The following PIEZO1 variants were observed in gnomAD, a reference collection of about 807,000 sequenced individuals.
PIEZO1 encodes piezo type mechanosensitive ion channel component 1 (Er blood group).
Under a neutral mutation model 297.2 loss-of-function variants are expected in PIEZO1, and 296 were observed. The ratio of observed to expected loss-of-function variants is 1.00; its 90% CI spans 0.91 to 1.10. The LOEUF (loss-of-function observed/expected upper bound fraction) is 1.10. Among genes scored for constraint, PIEZO1 ranks in the 50% least tolerant of loss-of-function variants. The pLI is 0.00. For missense variants in PIEZO1, 5,018 were observed against 3,455.5 expected, an observed-to-expected ratio of 1.45 and a Z score of -11.34; for synonymous variants, 2,427 against 1,507.5, an observed-to-expected ratio of 1.61 and a Z score of -14.13.
intron 1 of PIEZO1, among the ~76,000 whole-genome samples, 172 bp from the exon 2 acceptor site, chr16:88,749,651 C>T (rs1024008865): frequency 1.3e-5 from 2 of 152,262 alleles, no homozygotes; most frequent in African/African-American, 4.8e-5. Flanking sequence ...ATATCTCACA[C>T]ACGCCACGAC....
intron 1 of PIEZO1, among the ~76,000 whole-genome samples, chr16:88,781,420 T>C (rs913064280): frequency 4.3e-4 from 66 of 152,334 alleles, no homozygotes; most frequent in Admixed American, 4.2e-3. Flanking sequence ...CCCTGGCCCC[T>C]TCCCCAAACA....
chr16:88,756,382 G>T (rs1414324661), intron 1 of PIEZO1, among the ~76,000 whole-genome samples: 3 of 152,160 alleles, frequency 2.0e-5, no homozygotes. Flanking sequence ...CCACTGATGG[G>T]GCGGGGTGGG....
chr16:88,749,584 T>A lies in PIEZO1; in HGVS notation c.65-105A>T, dbSNP rs1295451678. The A allele has an allele frequency of 1.3e-5, 11 of 870,284 alleles. No individual in the cohort carries two copies. The African/African-American group carries it at 1.7e-4, about 14-fold the overall frequency. The allele number at this position is 870,284 out of a possible 1,614,324, so 53.9% of individuals were successfully genotyped here. ...AGCTCGTCACACCGCCGAGGCCGTG[T>A]GCCCTGTGAGTGCTGCCCTGAGCCA... On this transcript the variant is annotated intron_variant, in intron 1 of 50. Coordinates refer to ENST00000301015, the MANE Select transcript of PIEZO1 (RefSeq NM_001142864.4).
chr16:88,785,000 G>A lies in PIEZO1; in HGVS notation c.-36C>T. On this transcript the variant is annotated 5_prime_UTR_variant, in exon 1 of 51. Coordinates refer to ENST00000301015, the MANE Select transcript of PIEZO1 (RefSeq NM_001142864.4). ...CCCAGGGCCCGGCCCAGACCGAGCG[G>A]ACGCCGCGGCGCTATGGGGCGGTGC... 1 of 1,209,978 alleles carries A rather than the reference G, an allele frequency of 8.3e-7. No individual in the cohort carries two copies. Among genetic ancestry groups the A allele is most frequent in the Non-Finnish European group, 1.0e-6 (1 of 968,840 alleles). The allele number at this position is 1,209,978 out of a possible 1,614,324, so 75.0% of individuals were successfully genotyped here.
At position 88,720,672 on chromosome 16, in the gene PIEZO1, G is replaced by T; in HGVS notation, c.5745C>A (p.Arg1915=). The T allele has an allele frequency of 6.5e-7, 1 of 1,547,760 alleles. No homozygotes were observed. Residue 1915 remains arginine, a synonymous_variant, in exon 40 of 51, where the codon CGC becomes CGA. Coordinates refer to ENST00000301015, the MANE Select transcript of PIEZO1 (RefSeq NM_001142864.4). ...APTGREKRPS[R]SGGRVRAAGR... ...CGGCCGCCCTTACTCTTCCTCCAGA[G>T]CGGCTTGGCCTCTTCTCTCTCCCCG... is the stretch of plus-strand genomic sequence containing the variant.
At position 88,719,452 on chromosome 16, in the gene PIEZO1, C is replaced by T. The variant is rs1912270598; in HGVS notation, c.6471+122G>A. On this transcript the variant is annotated intron_variant, in intron 44 of 50. Transcript: ENST00000301015. ...AGTGGGTGGGCTCGCCTCATGTCCCCATGGGCTCCGAGCCCTGGGAGGGCC... is the reference window on the plus strand; with the variant it reads ...AGTGGGTGGGCTCGCCTCATGTCCCTATGGGCTCCGAGCCCTGGGAGGGCC... 4.4e-6 allele frequency: 4 copies of T among 910,280 alleles called. 1 individual carries two copies. Among genetic ancestry groups the T allele is most frequent in the Non-Finnish European group, 6.7e-6 (4 of 597,602 alleles). The allele number at this position is 910,280 out of a possible 1,614,324, so 56.4% of individuals were successfully genotyped here.
chr16:88,726,433 G>C lies in PIEZO1; in HGVS notation c.3819C>G (p.Asp1273Glu), dbSNP rs557968556. Residue 1273 changes from aspartate (D) to glutamate (E), a missense_variant, in exon 27 of 51, where the codon GAC (aspartate) becomes GAG (glutamate). Coordinates refer to ENST00000301015, the MANE Select transcript of PIEZO1 (RefSeq NM_001142864.4). ...YYDPKEMMDR[D>E]QDCLLPVEEA... The stretch of plus-strand genomic sequence containing the variant: ...CCTCCACAGGCAGCAGGCAGTCCTG[G>C]TCTCTGTCCATCATCTCCTTGGCTG... 2.6e-6 allele frequency: 4 copies of C among 1,550,424 alleles called. No homozygotes were observed. The Admixed American group carries it at 7.8e-5, about 30-fold the overall frequency.
At chr16:88,752,042 G>C (rs533990715) in intron 1 of PIEZO1, among the ~76,000 whole-genome samples, 1 of 152,358 alleles carries the variant, frequency 6.6e-6, no homozygotes, top group Admixed American at 6.5e-5. Flanking sequence ...CAGACCCTGA[G>C]GCTGTGGGGA....
chr16:88,736,422 A>G lies in PIEZO1; in HGVS notation c.1297-14T>C, dbSNP rs11860864. 7,862 of 1,181,848 alleles carry G rather than the reference A, an allele frequency of 6.7e-3. 934 individuals carry two copies. Among genetic ancestry groups the G allele is most frequent in the African/African-American group, 0.019 (945 of 48,926 alleles). The allele number at this position is 1,181,848 out of a possible 1,614,324, so 73.2% of individuals were successfully genotyped here. A position where few individuals can be genotyped will look rare whatever the true frequency, so the allele number is the denominator to read the frequency against. ...GATGCTCCATACCTGCGCGGCAGAG[A>G]GGGCTGCACAGCTGCCCAGCGCACC... On this transcript the variant is annotated splice_polypyrimidine_tract_variant and intron_variant, in intron 11 of 50. Transcript: ENST00000301015.
chr16:88,746,594 A>G (rs191656549), intron 2 of PIEZO1, among the ~76,000 whole-genome samples: 2 of 152,188 alleles, frequency 1.3e-5, no homozygotes, highest in African/African-American at 4.8e-5. Flanking sequence ...CGCCAAGCCC[A>G]GCAGCTGCAC....
Position 88,732,224 on chromosome 16 carries a change from G to T in PIEZO1, c.2991+111C>A, listed in dbSNP as rs1327705534. 3.3e-6 allele frequency: 3 copies of T among 911,470 alleles called. No homozygotes were observed. The African/African-American group carries it at 4.9e-5, about 15-fold the overall frequency. 56.5% of individuals were successfully genotyped at this position (911,470 alleles called of 1,614,324 possible). ...TGGCCCTGAGTCCCCCACCCTCTGT[G>T]GCCCAGGCAAACCCAGGTGGGGCCA... On this transcript the variant is annotated intron_variant, in intron 21 of 50. Coordinates refer to ENST00000301015, the MANE Select transcript of PIEZO1 (RefSeq NM_001142864.4).
At chr16:88,766,823 A>C (rs1363462019) in intron 1 of PIEZO1, among the ~76,000 whole-genome samples, 1 of 152,234 alleles carries the variant, frequency 6.6e-6, no homozygotes, top group African/African-American at 2.4e-5. Flanking sequence ...TCAGAGCCAC[A>C]GGGACGATCA....
At position 88,761,175 on chromosome 16, in the gene PIEZO1, C is replaced by A. The variant is rs118184315; in HGVS notation, c.65-11696G>T. On this transcript the variant is annotated intron_variant, in intron 1 of 50. Transcript: ENST00000301015. ...AGCCACGTGGGTGGGACTGGGGGAACTGTCTCTGCCCAGGGAGCGGGGCAA... is the reference window on the plus strand; with the variant it reads ...AGCCACGTGGGTGGGACTGGGGGAAATGTCTCTGCCCAGGGAGCGGGGCAA... 3.4e-3 allele frequency among the ~76,000 whole-genome samples: 514 copies of A among 152,304 alleles called. 4 individuals are homozygous for A. Among genetic ancestry groups the A allele is most frequent in the Non-Finnish European group, 5.0e-3 (338 of 68,014 alleles).
rs1567663099 is a variant in PIEZO1 at position 88,722,982 on chromosome 16, A to G, written c.4523T>C (p.Leu1508Pro). ...AGRSHVVQRV[L>P]STAQFLWMLG... ...CATCCACAGGAACTGCGCCGTGCTC[A>G]GCACCCTCTGCACCACATGGCTCCG... The change falls in exon 34 of 51, where the codon CTG becomes CCG. Residue 1508 changes from leucine to proline, a missense_variant. Coordinates refer to ENST00000301015, the MANE Select transcript of PIEZO1 (RefSeq NM_001142864.4). The G allele has an allele frequency of 6.5e-6, 10 of 1,546,456 alleles. No individual in the cohort carries two copies. The highest frequency in any genetic ancestry group is 1.2e-5 in the South Asian group (1 of 84,026).
Position 88,736,298 on chromosome 16 carries a change from G to A in PIEZO1, c.1407C>T (p.Cys469=). The A allele has an allele frequency of 6.5e-7, 1 of 1,550,220 alleles. No individual in the cohort carries two copies. The highest frequency in any genetic ancestry group is 2.4e-5 in the East Asian group (1 of 40,910). ...RHQLAMLCSP[C]ILLYGMTLCC... is the part of the protein sequence containing the mutation. ...ACAGCGTCATCCCATACAGCAGGAT[G>A]CAGGGCGAGCACAGCATGGCCAGTT... Residue 469 remains cysteine (C), a synonymous_variant, in exon 12 of 51, where the codon TGC becomes TGT. Transcript: ENST00000301015.
At chr16:88,748,252 G>A (rs946210457) in intron 2 of PIEZO1, among the ~76,000 whole-genome samples, 5 of 152,266 alleles carry the variant, frequency 3.3e-5, no homozygotes, top group African/African-American at 1.2e-4. Context: ...TTTGGGGACA[G>A]GTCTCTGAGT....
At chr16:88,784,047 C>T (rs1908057515) in intron 1 of PIEZO1, among the ~76,000 whole-genome samples, 1 of 152,232 alleles carries the variant, frequency 6.6e-6, no homozygotes. Context: ...AGGGCGCGGA[C>T]CCTGGGTCCC....
At chr16:88,748,215 G>A (rs879672189) in intron 2 of PIEZO1, among the ~76,000 whole-genome samples, 1 of 78,368 alleles carries the variant, frequency 1.3e-5, no homozygotes, top group East Asian at 4.7e-4. Context: ...CGGAGGGCCC[G>A]GCCCCACCCA....
intron 1 of PIEZO1, among the ~76,000 whole-genome samples, chr16:88,759,366 G>T (rs1267926623): frequency 6.6e-6 from 1 of 152,226 alleles, no homozygotes; most frequent in East Asian, 1.9e-4. Context: ...AGAGTTCGCG[G>T]ATGACAGCTG....
Sources: allele counts gnomAD v4.1 joint callset (sites outside exome capture counted in the v4.1 genomes callset), GRCh38; gene constraint gnomAD v4.1.1; transcripts MANE v1.5; gene names NCBI Gene and HGNC (gene_info 2026-07-23, HGNC 2026-07-21).